ZNF385D: variants seen among roughly 807,000 people sequenced by gnomAD.
The protein encoded by ZNF385D is zinc finger protein 659.
ZNF385D carries 15 observed loss-of-function variants against 35.8 expected under a neutral mutation model. The observed-to-expected ratio is 0.42, with a 90% confidence interval of 0.28 to 0.64. ZNF385D has a LOEUF of 0.64. Ranked by LOEUF, ZNF385D falls within the 30% of genes least tolerant of loss-of-function variation. The pLI, the probability that ZNF385D is intolerant of heterozygous loss-of-function variation, is 0.23. For synonymous variants in ZNF385D, 212 were observed against 186.8 expected (o/e 1.13, Z -1.10); for missense variants, 474 against 494.6 (o/e 0.96, Z 0.39).
At chr3:21,849,959 G>C (rs1696281669) in intron 3 of ZNF385D, among the ~76,000 whole-genome samples, 1 of 151,944 alleles carries the variant, frequency 6.6e-6, no homozygotes, top group African/African-American at 2.4e-5. Flanking sequence ...GCCCATGCTA[G>C]TCTCGAACTC....
intron 4 of ZNF385D, among the ~76,000 whole-genome samples, chr3:21,442,849 A>G (rs1163102511): frequency 6.7e-6 from 1 of 149,068 alleles, no homozygotes; most frequent in Non-Finnish European, 1.5e-5. Flanking sequence ...ATGTGTATGC[A>G]TGTGCATGTA....
intron 3 of ZNF385D, among the ~76,000 whole-genome samples, chr3:22,017,820 C>T (rs1265275360): frequency 1.3e-5 from 2 of 151,908 alleles, no homozygotes; most frequent in Admixed American, 6.6e-5. Context: ...TTTAAGCTGT[C>T]TATACATATT....
chr3:22,077,882 A>T (rs1700545475), intron 3 of ZNF385D, among the ~76,000 whole-genome samples: 1 of 151,888 alleles, frequency 6.6e-6, no homozygotes, highest in Non-Finnish European at 1.5e-5. Flanking sequence ...CCCCCACTCC[A>T]CTTGTAGAAA....
At chr3:21,943,099 T>A (rs1013775224) in intron 3 of ZNF385D, among the ~76,000 whole-genome samples, 7 of 152,108 alleles carry the variant, frequency 4.6e-5, no homozygotes, top group African/African-American at 1.7e-4. Context: ...TTAGGCTAAA[T>A]TCAGCTATTT....
intron 3 of ZNF385D, among the ~76,000 whole-genome samples, chr3:22,044,322 C>A (rs533582266): frequency 8.9e-4 from 136 of 152,148 alleles, no homozygotes; most frequent in Non-Finnish European, 1.6e-3. Context: ...AAAACGATTT[C>A]TCTAATGTTT....
In ZNF385D at chr3:21,449,094, A is replaced by T. The variant is rs1702309878; in HGVS notation, c.440-11891T>A. 2.0e-4 allele frequency among the ~76,000 whole-genome samples: 4 copies of T among 19,774 alleles called. No individual in the cohort carries two copies. The South Asian group carries it at 5.6e-3, about 28-fold the overall frequency. The allele number at this position is 19,774 out of a possible 152,430, so 13.0% of individuals were successfully genotyped here. ...TAATTATTTAAGTATATATTTAAGA[A>T]AAAAATGACTTATTGGTTAGTTCTG... is the stretch of plus-strand genomic sequence containing the variant. On this transcript the variant is annotated intron_variant, in intron 4 of 7. Transcript: ENST00000281523.
At chr3:21,636,806 G>A (rs1457979282) in intron 2 of ZNF385D, among the ~76,000 whole-genome samples, 1 of 151,976 alleles carries the variant, frequency 6.6e-6, no homozygotes. Flanking sequence ...AACCATCACA[G>A]GTGGTATTGC....
intron 4 of ZNF385D, among the ~76,000 whole-genome samples, chr3:21,499,725 T>C (rs1173679512): frequency 2.0e-5 from 3 of 152,074 alleles, no homozygotes; most frequent in African/African-American, 7.2e-5. Flanking sequence ...ACATTCTGCA[T>C]TCTGACCTTC....
At chr3:21,489,524 T>G (rs1302764030) in intron 4 of ZNF385D, among the ~76,000 whole-genome samples, 3 of 152,182 alleles carry the variant, frequency 2.0e-5, no homozygotes, top group African/African-American at 7.2e-5. Flanking sequence ...GGATAGAGTT[T>G]TAAAGACTTT....
At chr3:22,103,159 GGTT>G (rs1162288582) in intron 3 of ZNF385D, among the ~76,000 whole-genome samples, 2 of 148,090 alleles carry the variant, frequency 1.4e-5, no homozygotes, top group African/African-American at 5.0e-5. Flanking sequence ...AAGATACTGC[GGTT>G]GTACAAACCT....
intron 3 of ZNF385D, among the ~76,000 whole-genome samples, chr3:21,757,585 A>T (rs1269689852): frequency 6.6e-6 from 1 of 152,216 alleles, no homozygotes; most frequent in Non-Finnish European, 1.5e-5. Flanking sequence ...GACTCAAAAA[A>T]AATAGTTGTT....
intron 3 of ZNF385D, among the ~76,000 whole-genome samples, chr3:22,017,216 A>G (rs1576160066): frequency 6.6e-6 from 1 of 152,160 alleles, no homozygotes; most frequent in Non-Finnish European, 1.5e-5. Context: ...TTTGCTTTAG[A>G]TATTTTTAGG....
At chr3:22,140,601 C>T (rs1320103219) in intron 3 of ZNF385D, among the ~76,000 whole-genome samples, 1 of 152,152 alleles carries the variant, frequency 6.6e-6, no homozygotes, top group Non-Finnish European at 1.5e-5. Context: ...CCAGTTTCCT[C>T]ATGTGATAAA....
chr3:21,586,689 G>A (rs1439778243), intron 2 of ZNF385D, among the ~76,000 whole-genome samples: 1 of 152,184 alleles, frequency 6.6e-6, no homozygotes, highest in Non-Finnish European at 1.5e-5. Context: ...CTGTCTACAT[G>A]GACAGAAGAT....
chr3:22,203,769 A>G lies in ZNF385D; in HGVS notation c.107-34734T>C, dbSNP rs116213857. ...CTGCCAGGGAAAGGAAAGAGAAAAG[A>G]AAAGTGGGAATGACTTTGTCTTATG... On this transcript the variant is annotated intron_variant, in intron 2 of 5. Coordinates refer to the ZNF385D transcript ENST00000494108. 1.3e-3 allele frequency among the ~76,000 whole-genome samples: 204 copies of G among 152,254 alleles called. 1 individual carries two copies. Among genetic ancestry groups the G allele is most frequent in the African/African-American group, 4.7e-3 (194 of 41,568 alleles).
intron 3 of ZNF385D, among the ~76,000 whole-genome samples, chr3:22,088,771 A>G (rs1261963120): frequency 1.3e-5 from 2 of 152,096 alleles, no homozygotes; most frequent in East Asian, 3.9e-4. Flanking sequence ...AAAGAAGAAA[A>G]CCAGACAACA....
intron 3 of ZNF385D, among the ~76,000 whole-genome samples, chr3:22,094,277 T>C (rs886327050): frequency 6.6e-6 from 1 of 150,968 alleles, no homozygotes; most frequent in African/African-American, 2.4e-5. Flanking sequence ...ATACATGTAT[T>C]TATCCTTGAA....
intron 3 of ZNF385D, among the ~76,000 whole-genome samples, chr3:21,928,225 C>T (rs1300585048): frequency 5.6e-5 from 8 of 142,392 alleles, no homozygotes; most frequent in Admixed American, 2.2e-4. Flanking sequence ...GAAGGATGGA[C>T]GGACGGACAG....
At chr3:21,753,720 C>A (rs1258602907), upstream of ZNF385D, among the ~76,000 whole-genome samples, 1 of 151,916 alleles carries the variant, frequency 6.6e-6, no homozygotes, top group Non-Finnish European at 1.5e-5. Flanking sequence ...TTACATAAAA[C>A]TATTTTATTT....
Sources: gnomAD v4.1 joint callset for allele counts (sites outside exome capture counted in the v4.1 genomes callset) on GRCh38, gnomAD v4.1.1 for gene constraint, MANE v1.5 for transcripts, NCBI Gene and HGNC (gene_info 2026-07-23, HGNC 2026-07-21) for gene names.